RIT2: variants seen among roughly 807,000 people sequenced by gnomAD.
RIT2 encodes the protein Ras like without CAAX 2, also known as GTP-binding protein Rit2.
Under a neutral mutation model 23.7 loss-of-function variants are expected in RIT2, and 24 were observed. The observed-to-expected ratio is 1.01, with a 90% CI of 0.73 to 1.43. The LOEUF is 1.43. RIT2 is among the 40% of genes most tolerant of loss of function. The probability of loss-of-function intolerance (pLI) is 0.00; values close to 1 mark genes in which losing one functional copy is unlikely to be tolerated. For synonymous variants in RIT2, 107 were observed against 91.1 expected (o/e 1.17, Z -0.99); for missense variants, 236 against 266.9 (o/e 0.88, Z 0.81).
intron 1 of RIT2, among the ~76,000 whole-genome samples, chr18:43,049,976 T>G (rs998075337): frequency 5.8e-4 from 10 of 17,332 alleles, no homozygotes; most frequent in African/African-American, 1.0e-3. Flanking sequence ...GATTTCCTTT[T>G]TTTTTTTTTT....
intron 4 of RIT2, among the ~76,000 whole-genome samples, chr18:42,837,314 C>A (rs1370621058): frequency 1.3e-5 from 2 of 151,242 alleles, no homozygotes; most frequent in Admixed American, 1.3e-4. Context: ...ACTACAGGTG[C>A]CTGCCACCAA....
chr18:43,085,346 G>A (rs1263980048), intron 1 of RIT2, among the ~76,000 whole-genome samples: 2 of 151,588 alleles, frequency 1.3e-5, no homozygotes, highest in East Asian at 3.9e-4. Flanking sequence ...GGGTTTTTTT[G>A]TAGCAAGAGT....
intron 4 of RIT2, among the ~76,000 whole-genome samples, chr18:42,915,901 C>T (rs1908896873): frequency 6.6e-6 from 1 of 151,158 alleles, no homozygotes; most frequent in Admixed American, 6.6e-5. Context: ...AGTATATATA[C>T]ACATGTATTA....
At chr18:43,065,326 G>A (rs1912747573) in intron 1 of RIT2, among the ~76,000 whole-genome samples, 1 of 149,390 alleles carries the variant, frequency 6.7e-6, no homozygotes, top group South Asian at 2.1e-4. Flanking sequence ...AAACTCCTGG[G>A]CTCAAGCGAT....
chr18:42,914,264 T>C (rs1302130972), intron 4 of RIT2, among the ~76,000 whole-genome samples: 1 of 152,100 alleles, frequency 6.6e-6, no homozygotes, highest in Non-Finnish European at 1.5e-5. Context: ...AATGGACTTA[T>C]CATAAGATCT....
At chr18:42,772,438 C>T (rs1913573322) in intron 4 of RIT2, among the ~76,000 whole-genome samples, 1 of 151,902 alleles carries the variant, frequency 6.6e-6, no homozygotes, top group Non-Finnish European at 1.5e-5. Flanking sequence ...TGCCTTCAAC[C>T]CTCCAACCTT....
intron 4 of RIT2, among the ~76,000 whole-genome samples, chr18:42,825,798 C>T (rs984492679): frequency 2.0e-5 from 3 of 151,876 alleles, no homozygotes; most frequent in Non-Finnish European, 4.4e-5. Flanking sequence ...CAATTGAAAA[C>T]TAAGGTTTGG....
chr18:42,760,377 T>A (rs1463900774), intron 4 of RIT2, among the ~76,000 whole-genome samples: 2 of 152,198 alleles, frequency 1.3e-5, no homozygotes, highest in African/African-American at 4.8e-5. Flanking sequence ...AGCAGCAGCC[T>A]GAGACTGCAT....
intron 1 of RIT2, among the ~76,000 whole-genome samples, chr18:43,061,307 C>T (rs1912639378): frequency 6.6e-6 from 1 of 152,116 alleles, no homozygotes; most frequent in Admixed American, 6.6e-5. Context: ...TCTACCATTT[C>T]TCAGTATTTT....
At position 43,059,777 on chromosome 18, in the gene RIT2, C is replaced by CTT. The variant is rs34810427; in HGVS notation, c.104-25912_104-25911dup. Among the ~76,000 whole-genome samples, 11 of 151,332 alleles carry CTT rather than the reference C, an allele frequency of 7.3e-5. 1 individual carries two copies. Among genetic ancestry groups the CTT allele is most frequent in the Middle Eastern group, 3.4e-3 (1 of 294 alleles). ...TGTGGGGATGAGAATCATTCTTACACTTTTTTTTTATTTTATTTTACAGAA... is the reference window on the plus strand; with the variant it reads ...TGTGGGGATGAGAATCATTCTTACACTTTTTTTTTTTATTTTATTTTACAGAA... On this transcript the variant is annotated intron_variant, in intron 1 of 4. Coordinates refer to ENST00000326695, the MANE Select transcript of RIT2 (RefSeq NM_002930.4).
rs199871369 is a variant in RIT2 at position 43,025,238 on chromosome 18, A to C, written c.160+8573T>G. Among the ~76,000 whole-genome samples, 16 of 92,680 alleles carry C rather than the reference A, an allele frequency of 1.7e-4. No homozygotes were observed. In the East Asian group the frequency reaches 4.2e-3, roughly 24 times the overall value. 60.8% of individuals were successfully genotyped at this position (92,680 alleles called of 152,430 possible). On this transcript the variant is annotated intron_variant, in intron 2 of 4. Transcript: ENST00000326695. ...AAACAAAACAAAACAAAAAAAAAAC[A>C]AAAAAAAAAACAGGCAGCAAATAGG...
At chr18:42,846,057 G>A (rs185437653) in intron 4 of RIT2, among the ~76,000 whole-genome samples, 258 of 151,874 alleles carry the variant, frequency 1.7e-3, no homozygotes, top group African/African-American at 5.6e-3. Context: ...ATAAGAGCAG[G>A]AATTAATCTA....
intron 4 of RIT2, among the ~76,000 whole-genome samples, chr18:42,906,159 A>G (rs28681382): frequency 0.02 from 2,975 of 151,656 alleles, 117 homozygotes; most frequent in African/African-American, 0.068. Flanking sequence ...GCAGGGGAGG[A>G]TATGTTCCTC....
At position 42,883,598 on chromosome 18, in the gene RIT2, C is replaced by T. The variant is rs561569555; in HGVS notation, c.426+39974G>A. Among the ~76,000 whole-genome samples the T allele has an allele frequency of 1.4e-4, 21 of 152,072 alleles. No individual in the cohort carries two copies. The East Asian group carries it at 1.5e-3, about 11-fold the overall frequency. ...AAGCAAATCTTTTCTCTCAGTGGGA[C>T]GCCCCCACGCTATTTTCAGAAATAG... On this transcript the variant is annotated intron_variant, in intron 4 of 4. Transcript: ENST00000326695.
intron 1 of RIT2, among the ~76,000 whole-genome samples, chr18:43,047,353 C>T (rs1265146740): frequency 6.6e-6 from 1 of 151,972 alleles, no homozygotes; most frequent in Non-Finnish European, 1.5e-5. Context: ...ATTATCTTAC[C>T]TGTGCATAAT....
chr18:42,925,765 A>G (rs1337200514), intron 3 of RIT2, among the ~76,000 whole-genome samples: 1 of 151,692 alleles, frequency 6.6e-6, no homozygotes, highest in Non-Finnish European at 1.5e-5. Context: ...CTGTGTACAT[A>G]CAAGCATATA....
intron 1 of RIT2, among the ~76,000 whole-genome samples, chr18:43,094,346 T>C (rs550298871): frequency 6.6e-6 from 1 of 152,102 alleles, no homozygotes; most frequent in South Asian, 2.1e-4. Context: ...CAAATCCACC[T>C]CTCTCTTGCT....
At chr18:43,102,113 A>G (rs1002945871) in intron 1 of RIT2, among the ~76,000 whole-genome samples, 1 of 152,172 alleles carries the variant, frequency 6.6e-6, no homozygotes, top group Non-Finnish European at 1.5e-5. Context: ...TTTGATTTGA[A>G]TCTAGTCCTA....
chr18:42,954,033 C>T (rs1356473751), intron 3 of RIT2, among the ~76,000 whole-genome samples: 2 of 152,002 alleles, frequency 1.3e-5, no homozygotes, highest in Non-Finnish European at 2.9e-5. Context: ...AAATATCTCA[C>T]AGAGAAGAGT....
Sources: gnomAD v4.1 joint callset for allele counts (sites outside exome capture counted in the v4.1 genomes callset) on GRCh38, gnomAD v4.1.1 for gene constraint, MANE v1.5 for transcripts, NCBI Gene and HGNC (gene_info 2026-07-23, HGNC 2026-07-21) for gene names.